NEK11: variants seen among roughly 807,000 people sequenced by gnomAD.
NEK11 encodes serine/threonine-protein kinase Nek11.
In NEK11, 72 loss-of-function variants were observed where a neutral mutation model predicts 80.7. The ratio of observed to expected loss-of-function variants is 0.89; its 90% CI spans 0.74 to 1.08. The LOEUF (loss-of-function observed/expected upper bound fraction) is 1.08, where lower values mean the gene tolerates loss of function less well. Among genes scored for constraint, NEK11 ranks in the 50% least tolerant of loss-of-function variants. The pLI is 0.00. For missense variants in NEK11, 764 were observed against 763.6 expected (o/e 1.00, Z -0.01); for synonymous variants, 251 against 260.7 (o/e 0.96, Z 0.36).
chr3:131,303,252 G>A (rs2096681954), intron 17 of NEK11, among the ~76,000 whole-genome samples: 1 of 152,200 alleles, frequency 6.6e-6, no homozygotes, highest in Admixed American at 6.5e-5. Context: ...TTTGAAGACA[G>A]CATATAGTTG....
chr3:131,162,626 A>C, intron 11 of NEK11, 99 bp downstream of exon 11: 1 of 1,317,264 alleles, frequency 7.6e-7, no homozygotes. Context: ...GGAAACCCCA[A>C]TGCATACGAT....
intron 14 of NEK11, among the ~76,000 whole-genome samples, chr3:131,194,034 T>A (rs2150310293): frequency 6.6e-6 from 1 of 152,348 alleles, no homozygotes; most frequent in East Asian, 1.9e-4. Flanking sequence ...TTTGCAGGTT[T>A]ATCGTCATGG....
Position 131,049,557 on chromosome 3 carries a change from G to A in NEK11, c.170+19679G>A, listed in dbSNP as rs185123145. 2.5e-3 allele frequency among the ~76,000 whole-genome samples: 373 copies of A among 152,188 alleles called. 2 individuals are homozygous for A. Among genetic ancestry groups the A allele is most frequent in the South Asian group, 5.4e-3 (26 of 4,812 alleles). ...GTATTTGTACTTATGTCCCACAAAC[G>A]GCTTAATTTGTGTGTCCATCAGTGG... On this transcript the variant is annotated intron_variant, in intron 3 of 17. Coordinates refer to ENST00000383366, the MANE Select transcript of NEK11 (RefSeq NM_024800.5).
intron 17 of NEK11, among the ~76,000 whole-genome samples, chr3:131,338,418 G>T (rs1234187568): frequency 6.6e-6 from 1 of 151,954 alleles, no homozygotes; most frequent in Admixed American, 6.6e-5. Flanking sequence ...TCACCAAACG[G>T]CTGAGAAGCA....
At chr3:131,158,577 A>G (rs2091090308) in intron 10 of NEK11, among the ~76,000 whole-genome samples, 1 of 152,210 alleles carries the variant, frequency 6.6e-6, no homozygotes. Flanking sequence ...CTGTGTCAGC[A>G]TGCACAGAGG....
chr3:131,080,470 C>T lies in NEK11; in HGVS notation c.218C>T (p.Thr73Ile). 1 of 1,613,382 alleles carries T rather than the reference C, an allele frequency of 6.2e-7. No homozygotes were observed. Among genetic ancestry groups the T allele is most frequent in the Non-Finnish European group, 8.5e-7 (1 of 1,179,800 alleles). ...GTTGGAGAACTAAATCCAAATGAAA[C>T]TGTACAGGCCAATTTGGAAGCCCAA... ...ISVGELNPNE[T>I]VQANLEAQLL... is the part of the protein sequence containing the mutation. The change falls in exon 4 of 18, where the codon ACT (threonine) becomes ATT (isoleucine). Residue 73 changes from threonine (T) to isoleucine (I), a missense_variant. Coordinates refer to ENST00000383366, the MANE Select transcript of NEK11 (RefSeq NM_024800.5).
At chr3:131,183,600 G>T (rs1244411292) in intron 14 of NEK11, among the ~76,000 whole-genome samples, 4 of 152,152 alleles carry the variant, frequency 2.6e-5, no homozygotes, top group Non-Finnish European at 5.9e-5. Flanking sequence ...CTATGTCCCT[G>T]CAAAGTACAT....
intron 17 of NEK11, among the ~76,000 whole-genome samples, chr3:131,318,546 T>C (rs1475423370): frequency 6.6e-6 from 1 of 151,732 alleles, no homozygotes; most frequent in Non-Finnish European, 1.5e-5. Context: ...TCAATAAGAG[T>C]TGTTTTGGAA....
intron 14 of NEK11, among the ~76,000 whole-genome samples, chr3:131,198,043 C>G (rs778413170): frequency 6.6e-6 from 1 of 152,120 alleles, no homozygotes; most frequent in African/African-American, 2.4e-5. Flanking sequence ...CTCCATATTG[C>G]TGCATGGGCA....
intron 9 of NEK11, among the ~76,000 whole-genome samples, chr3:131,154,543 G>A (rs1020764570): frequency 2.0e-5 from 3 of 152,136 alleles, no homozygotes; most frequent in Non-Finnish European, 2.9e-5. Flanking sequence ...TATCTTTAAA[G>A]TTTTGCTATT....
At chr3:131,253,203 G>T (rs2095740867) in intron 16 of NEK11, among the ~76,000 whole-genome samples, 1 of 152,144 alleles carries the variant, frequency 6.6e-6, no homozygotes, top group East Asian at 1.9e-4. Flanking sequence ...TCAGTGCAAG[G>T]TTTTGTGAAA....
chr3:131,036,282 G>A (rs903046), intron 3 of NEK11, among the ~76,000 whole-genome samples: 26,667 of 152,204 alleles, frequency 0.18, 2,433 homozygotes, highest in Non-Finnish European at 0.21. Context: ...ACTGGTCACC[G>A]TTTACTGGTC....
intron 4 of NEK11, among the ~76,000 whole-genome samples, chr3:131,090,431 G>A (rs2076560314): frequency 6.6e-6 from 1 of 152,100 alleles, no homozygotes; most frequent in Non-Finnish European, 1.5e-5. Flanking sequence ...TTAATTTTGG[G>A]TCAGTTAAAG....
intron 15 of NEK11, among the ~76,000 whole-genome samples, chr3:131,238,738 G>A (rs935886686): frequency 7.9e-5 from 12 of 152,084 alleles, no homozygotes; most frequent in South Asian, 2.1e-4. Context: ...AAACCTGGGC[G>A]CGTTCCAGAA....
At chr3:131,291,967 CT>C (rs2096548157) in intron 17 of NEK11, among the ~76,000 whole-genome samples, 1 of 152,122 alleles carries the variant, frequency 6.6e-6, no homozygotes, top group Non-Finnish European at 1.5e-5. Flanking sequence ...AAAATCATGC[CT>C]TTGTTGTATC....
chr3:131,244,352 C>G (rs909253764), intron 16 of NEK11, among the ~76,000 whole-genome samples: 1 of 152,106 alleles, frequency 6.6e-6, no homozygotes, highest in African/African-American at 2.4e-5. Context: ...ACCCTGTGAT[C>G]TGTTTAATTG....
intron 4 of NEK11, among the ~76,000 whole-genome samples, chr3:131,083,626 A>G (rs1291315673): frequency 2.0e-5 from 3 of 152,210 alleles, no homozygotes; most frequent in Non-Finnish European, 4.4e-5. Flanking sequence ...TGCTATCACT[A>G]CCATTGAAAT....
At chr3:131,197,574 GGCCT>G (rs2094068805) in intron 14 of NEK11, among the ~76,000 whole-genome samples, 1 of 152,134 alleles carries the variant, frequency 6.6e-6, no homozygotes, top group Admixed American at 6.5e-5. Flanking sequence ...GTTTTGAAAA[GGCCT>G]GGCCCAGTAA....
At chr3:131,228,472 T>C in intron 14 of NEK11, 56 bp from the exon 15 acceptor site, 2 of 1,459,336 alleles carry the variant, frequency 1.4e-6, no homozygotes, top group Non-Finnish European at 1.9e-6. Context: ...ACAGTATTCT[T>C]ACCTCATTAT....
Sources: gnomAD v4.1 joint callset for allele counts (sites outside exome capture counted in the v4.1 genomes callset) on GRCh38, gnomAD v4.1.1 for gene constraint, MANE v1.5 for transcripts, NCBI Gene and HGNC (gene_info 2026-07-23, HGNC 2026-07-21) for gene names.